The following GRIA4 variants were observed in gnomAD, a reference collection of about 807,000 sequenced individuals.
GRIA4 encodes the protein glutamate receptor 4.
Under a neutral mutation model 104.0 loss-of-function variants are expected in GRIA4, and 34 were observed. The observed-to-expected ratio is 0.33, with a 90% CI of 0.25 to 0.44. GRIA4 has a LOEUF of 0.44. Ranked by LOEUF, GRIA4 falls within the 20% of genes least tolerant of loss-of-function variation. The pLI, the probability that GRIA4 is intolerant of heterozygous loss-of-function variation, is 1.00. For synonymous variants in GRIA4, 386 were observed against 381.9 expected, an observed-to-expected ratio of 1.01 and a Z score of -0.13; for missense variants, 750 against 1,096.5, an observed-to-expected ratio of 0.68 and a Z score of 4.46.
At position 105,979,949 on chromosome 11, in the gene GRIA4, A is replaced by T. The variant is rs923586035; in HGVS notation, c.*210A>T. 2.6e-5 allele frequency: 12 copies of T among 470,064 alleles called. No individual in the cohort carries two copies. The South Asian group carries it at 4.6e-4, about 18-fold the overall frequency. The allele number at this position is 470,064 out of a possible 1,614,324, so 29.1% of individuals were successfully genotyped here. Reference sequence around the variant, plus strand: ...CCAAACTCAGATTTTATATCAGGAAAACTCACAATTGAGGTTTTTTTCGGG... The same window carrying T: ...CCAAACTCAGATTTTATATCAGGAATACTCACAATTGAGGTTTTTTTCGGG... On this transcript the variant is annotated 3_prime_UTR_variant, in exon 17 of 17. Transcript: ENST00000282499.
intron 3 of GRIA4, among the ~76,000 whole-genome samples, chr11:105,681,992 A>T (rs1952725668): frequency 6.6e-6 from 1 of 152,098 alleles, no homozygotes; most frequent in African/African-American, 2.4e-5. Flanking sequence ...CAGGGCAGAG[A>T]TCACACAACT....
At chr11:105,721,723 C>T (rs1434616873) in intron 3 of GRIA4, among the ~76,000 whole-genome samples, 1 of 152,126 alleles carries the variant, frequency 6.6e-6, no homozygotes, top group Non-Finnish European at 1.5e-5. Context: ...TATTATCTCC[C>T]TTCTGCGTGG....
intron 3 of GRIA4, among the ~76,000 whole-genome samples, chr11:105,653,472 C>T (rs2135388783): frequency 6.6e-6 from 1 of 152,280 alleles, no homozygotes; most frequent in Non-Finnish European, 1.5e-5. Flanking sequence ...CCAGGCATGA[C>T]TGAGCAGGAG....
At chr11:105,959,871 C>T (rs191582758) in intron 14 of GRIA4, among the ~76,000 whole-genome samples, 7 of 152,316 alleles carry the variant, frequency 4.6e-5, no homozygotes, top group African/African-American at 1.4e-4. Context: ...GGGCCCTCTT[C>T]TGTAGGGCTG....
intron 4 of GRIA4, among the ~76,000 whole-genome samples, chr11:105,832,187 G>C (rs978625991): frequency 6.6e-6 from 1 of 151,942 alleles, no homozygotes; most frequent in African/African-American, 2.4e-5. Flanking sequence ...TTCTGAGAAA[G>C]AGCAGTCAGA....
intron 13 of GRIA4, among the ~76,000 whole-genome samples, chr11:105,933,436 G>C (rs979056357): frequency 1.3e-5 from 2 of 151,990 alleles, no homozygotes; most frequent in African/African-American, 4.8e-5. Flanking sequence ...AACAGTAATA[G>C]ATTACTATTT....
intron 3 of GRIA4, among the ~76,000 whole-genome samples, chr11:105,705,995 G>T (rs986211546): frequency 2.0e-5 from 3 of 152,170 alleles, no homozygotes; most frequent in African/African-American, 7.2e-5. Context: ...TGAAGTAAAT[G>T]CTCATACATA....
chr11:105,944,846 GA>G (rs201483314), intron 14 of GRIA4, among the ~76,000 whole-genome samples: 3 of 148,574 alleles, frequency 2.0e-5, no homozygotes, highest in African/African-American at 2.5e-5. Flanking sequence ...GACAAATTAA[GA>G]AAAAAAAAAT....
chr11:105,615,534 C>G (rs1313926458), intron 3 of GRIA4, among the ~76,000 whole-genome samples: 3 of 151,612 alleles, frequency 2.0e-5, no homozygotes, highest in African/African-American at 7.3e-5. Context: ...TGTAATAGCC[C>G]TTGTAGTCAA....
intron 6 of GRIA4, among the ~76,000 whole-genome samples, chr11:105,888,175 C>T (rs552373874): frequency 2.7e-5 from 4 of 149,392 alleles, no homozygotes; most frequent in South Asian, 2.2e-4. Flanking sequence ...ATGTATGGAG[C>T]GGCCCAGCCT....
chr11:105,881,127 A>C (rs1946040555), intron 5 of GRIA4, among the ~76,000 whole-genome samples: 1 of 152,180 alleles, frequency 6.6e-6, no homozygotes, highest in Non-Finnish European at 1.5e-5. Context: ...TTCCATTTGG[A>C]ATGAGTGTAA....
At chr11:105,728,660 C>G (rs1438309413) in intron 3 of GRIA4, among the ~76,000 whole-genome samples, 1 of 152,150 alleles carries the variant, frequency 6.6e-6, no homozygotes, top group Non-Finnish European at 1.5e-5. Flanking sequence ...CAGTCTCAGA[C>G]TGCAGTGCAA....
At chr11:105,755,434 G>C (rs1940247970) in intron 4 of GRIA4, among the ~76,000 whole-genome samples, 1 of 151,852 alleles carries the variant, frequency 6.6e-6, no homozygotes, top group Non-Finnish European at 1.5e-5. Flanking sequence ...TTTTCTTATT[G>C]CATTGGAATA....
intron 4 of GRIA4, among the ~76,000 whole-genome samples, chr11:105,767,443 G>A (rs1941001440): frequency 6.6e-6 from 1 of 152,126 alleles, no homozygotes; most frequent in Admixed American, 6.6e-5. Context: ...GAAATCTCTA[G>A]CATGTTTTGT....
At chr11:105,776,077 C>A (rs143061593) in intron 4 of GRIA4, among the ~76,000 whole-genome samples, 2 of 151,882 alleles carry the variant, frequency 1.3e-5, no homozygotes, top group Admixed American at 1.3e-4. Flanking sequence ...GGAAATAGTA[C>A]CTAACAATTT....
chr11:105,853,096 A>G (rs1944878257), intron 4 of GRIA4, among the ~76,000 whole-genome samples: 1 of 125,146 alleles, frequency 8.0e-6, no homozygotes, highest in African/African-American at 2.8e-5. Context: ...AAACTTCAAC[A>G]TACGGTAGAA....
chr11:105,706,144 G>T (rs913932469), intron 3 of GRIA4, among the ~76,000 whole-genome samples: 1 of 152,182 alleles, frequency 6.6e-6, no homozygotes, highest in Non-Finnish European at 1.5e-5. Flanking sequence ...CAAGTGTAAT[G>T]CATGTCAATT....
intron 3 of GRIA4, among the ~76,000 whole-genome samples, chr11:105,722,908 A>G (rs1188435015): frequency 6.6e-6 from 1 of 152,200 alleles, no homozygotes; most frequent in Non-Finnish European, 1.5e-5. Flanking sequence ...ATAATCGCAT[A>G]CTAAAGATTT....
chr11:105,864,003 T>C (rs996117828), intron 5 of GRIA4, among the ~76,000 whole-genome samples: 2 of 152,216 alleles, frequency 1.3e-5, no homozygotes, highest in African/African-American at 4.8e-5. Context: ...AGTGTCTACC[T>C]TTTCTATTCT....
Sources: allele counts gnomAD v4.1 joint callset (sites outside exome capture counted in the v4.1 genomes callset), GRCh38; gene constraint gnomAD v4.1.1; transcripts MANE v1.5; gene names NCBI Gene and HGNC (gene_info 2026-07-23, HGNC 2026-07-21).